BMPR2: variants seen among roughly 807,000 people sequenced by gnomAD.
The protein encoded by BMPR2 is bone morphogenetic protein receptor type-2.
A neutral mutation model predicts 100.8 loss-of-function variants in BMPR2; 29 were observed. That is an observed-to-expected ratio of 0.29 (90% confidence interval 0.21 to 0.39). The LOEUF is 0.39. Ranked by LOEUF, BMPR2 falls within the 10% of genes least tolerant of loss-of-function variation. The pLI, the probability that BMPR2 is intolerant of heterozygous loss-of-function variation, is 1.00. For missense variants in BMPR2, 1,011 were observed against 1,274.5 expected (o/e 0.79, Z 3.15); for synonymous variants, 382 against 442.3 (o/e 0.86, Z 1.71).
chr2:202,430,531 G>A (rs1204121737), intron 1 of BMPR2, among the ~76,000 whole-genome samples: 2 of 152,146 alleles, frequency 1.3e-5, no homozygotes, highest in East Asian at 1.9e-4. Context: ...TAAGGTAGAC[G>A]CCTAGAGTAG....
intron 12 of BMPR2, among the ~76,000 whole-genome samples, chr2:202,558,656 G>A (rs1049959217): frequency 6.6e-6 from 1 of 152,032 alleles, no homozygotes; most frequent in Non-Finnish European, 1.5e-5. Context: ...CACTTTGGGA[G>A]GCTGAGGCGG....
intron 7 of BMPR2, among the ~76,000 whole-genome samples, chr2:202,523,642 T>C (rs926179316): frequency 6.6e-6 from 1 of 151,912 alleles, no homozygotes; most frequent in South Asian, 2.1e-4. Context: ...CCATCTCTAC[T>C]AAAAATACAA....
chr2:202,441,825 G>A (rs954628244), intron 1 of BMPR2, among the ~76,000 whole-genome samples: 1 of 149,842 alleles, frequency 6.7e-6, no homozygotes, highest in African/African-American at 2.5e-5. Flanking sequence ...CTGAGGTCAG[G>A]AGTTCGAGAC....
chr2:202,530,713 T>G (rs1477554369), intron 7 of BMPR2, 81 bp from the exon 8 acceptor site: 1 of 1,264,032 alleles, frequency 7.9e-7, no homozygotes, highest in African/African-American at 1.5e-5. Flanking sequence ...AAAATAATAC[T>G]ACTTCTATAT....
intron 1 of BMPR2, among the ~76,000 whole-genome samples, chr2:202,405,996 G>T (rs575379615): frequency 1.4e-5 from 2 of 148,060 alleles, no homozygotes; most frequent in Non-Finnish European, 3.0e-5. Flanking sequence ...GTTTTTGCTA[G>T]AACAGTAGAA....
chr2:202,390,837 T>C (rs891884765), intron 1 of BMPR2, among the ~76,000 whole-genome samples: 1 of 152,082 alleles, frequency 6.6e-6, no homozygotes, highest in African/African-American at 2.4e-5. Context: ...GATTTAAAGG[T>C]GTTACATGAT....
At chr2:202,480,212 A>C (rs976632699) in intron 3 of BMPR2, among the ~76,000 whole-genome samples, 3 of 152,012 alleles carry the variant, frequency 2.0e-5, no homozygotes, top group Non-Finnish European at 4.4e-5. Flanking sequence ...AGCTCACTGC[A>C]ACCTCCACCT....
intron 1 of BMPR2, among the ~76,000 whole-genome samples, chr2:202,434,891 A>AT: frequency 1.6e-5 from 1 of 63,066 alleles, no homozygotes; most frequent in African/African-American, 6.7e-5. Flanking sequence ...AAAAAAAAAA[A>AT]AAAAAAAAAA....
At chr2:202,451,977 C>T (rs1160964518) in intron 1 of BMPR2, among the ~76,000 whole-genome samples, 2 of 152,206 alleles carry the variant, frequency 1.3e-5, no homozygotes, top group South Asian at 2.1e-4. Flanking sequence ...TAGTCTCAAC[C>T]TCCCGACCTT....
chr2:202,442,922 T>C (rs1691776652), intron 1 of BMPR2, among the ~76,000 whole-genome samples: 2 of 150,732 alleles, frequency 1.3e-5, no homozygotes, highest in African/African-American at 2.5e-5. Flanking sequence ...GTGGACTGAA[T>C]TGTGTTCTCC....
In BMPR2 at chr2:202,542,109, TA is replaced by T. The variant is rs767970972; in HGVS notation, c.1277-189del. Among the ~76,000 whole-genome samples the T allele has an allele frequency of 4.8e-3, 615 of 128,918 alleles. No individual in the cohort carries two copies. Among genetic ancestry groups the T allele is most frequent in the East Asian group, 0.018 (85 of 4,600 alleles). 84.6% of individuals were successfully genotyped at this position (128,918 alleles called of 152,430 possible). A position where few individuals can be genotyped will look rare whatever the true frequency, so the allele number is the denominator to read the frequency against. Reference sequence around the variant, plus strand: ...CTGGGCAACAGAGTAAGACTCCGTCTAAAAAAAAAAAAAGAAAAAAAAATCA... The same window carrying T: ...CTGGGCAACAGAGTAAGACTCCGTCTAAAAAAAAAAAAGAAAAAAAAATCA... On this transcript the variant is annotated intron_variant, in intron 9 of 12. Transcript: ENST00000374580.
chr2:202,515,015 A>G (rs1184525039), intron 5 of BMPR2, 36 bp downstream of exon 5: 3 of 1,532,584 alleles, frequency 2.0e-6, no homozygotes, highest in Admixed American at 1.7e-5. Flanking sequence ...TGTTGTTTCT[A>G]CTGTGATACT....
intron 1 of BMPR2, among the ~76,000 whole-genome samples, chr2:202,460,595 G>C (rs138965350): frequency 1.1e-3 from 171 of 152,154 alleles, no homozygotes; most frequent in African/African-American, 3.6e-3. Flanking sequence ...TGAATAAGAG[G>C]ATTGGAAGAA....
chr2:202,424,762 A>G (rs1425761501), intron 1 of BMPR2, among the ~76,000 whole-genome samples: 1 of 152,208 alleles, frequency 6.6e-6, no homozygotes, highest in Non-Finnish European at 1.5e-5. Context: ...CCTTAGTACC[A>G]GAAATTTAGC....
At position 202,405,687 on chromosome 2, in the gene BMPR2, CAAAAAAA is replaced by C. The variant is rs397987374; in HGVS notation, c.76+28155_76+28161del. On this transcript the variant is annotated intron_variant, in intron 1 of 12. Transcript: ENST00000374580. ...TGAGCAACAGAGCGAGACTCCGCCT[CAAAAAAA>C]AAAAAAAAAAAAAAAAAGCAGGGAA... Among the ~76,000 whole-genome samples the C allele has an allele frequency of 9.6e-5, 6 of 62,300 alleles. No individual in the cohort carries two copies. In the South Asian group the frequency reaches 1.6e-3, roughly 17 times the overall value. 40.9% of individuals were successfully genotyped at this position (62,300 alleles called of 152,430 possible). A position where few individuals can be genotyped will look rare whatever the true frequency, so the allele number is the denominator to read the frequency against.
rs558568472 is a variant in BMPR2, at chr2:202,391,625, C to G, written c.76+14075C>G. On this transcript the variant is annotated intron_variant, in intron 1 of 12. Coordinates refer to ENST00000374580, the MANE Select transcript of BMPR2 (RefSeq NM_001204.7). ...CTCTTTTTTTTTGGAGACAGGCTGT[C>G]ACCCAGGCTGGAGTGCAGTGGTTCA... Among the ~76,000 whole-genome samples, 139 of 151,990 alleles carry G rather than the reference C, an allele frequency of 9.1e-4. 1 individual carries two copies. Among genetic ancestry groups the G allele is most frequent in the African/African-American group, 3.2e-3 (131 of 41,442 alleles).
At chr2:202,520,051 A>AC (rs1464000511) in intron 6 of BMPR2, 36 bp from the exon 7 acceptor site, 2 of 1,097,370 alleles carry the variant, frequency 1.8e-6, no homozygotes, top group Non-Finnish European at 2.6e-6. Context: ...AGTTAATTCT[A>AC]CCTTTTTTTT....
At chr2:202,463,118 AT>A (rs1306013490) in intron 1 of BMPR2, among the ~76,000 whole-genome samples, 1 of 152,136 alleles carries the variant, frequency 6.6e-6, no homozygotes, top group Admixed American at 6.6e-5. Context: ...TCATTTATAA[AT>A]ATGTAAATAT....
chr2:202,541,176 C>T (rs1023581738), intron 9 of BMPR2, among the ~76,000 whole-genome samples: 1 of 152,130 alleles, frequency 6.6e-6, no homozygotes, highest in African/African-American at 2.4e-5. Flanking sequence ...CACAGTGGTT[C>T]ACACCTGTAA....
Sources: gnomAD v4.1 joint callset for allele counts (sites outside exome capture counted in the v4.1 genomes callset) on GRCh38, gnomAD v4.1.1 for gene constraint, MANE v1.5 for transcripts, NCBI Gene and HGNC (gene_info 2026-07-23, HGNC 2026-07-21) for gene names.